The following RGS7BP variants were observed in gnomAD, a reference collection of about 807,000 sequenced individuals.
RGS7BP encodes the protein regulator of G protein signaling 7-binding protein.
Under a neutral mutation model 31.3 loss-of-function variants are expected in RGS7BP, and 9 were observed. The ratio of observed to expected loss-of-function variants is 0.29; its 90% CI spans 0.17 to 0.50. RGS7BP has a LOEUF of 0.50. Among genes scored for constraint, RGS7BP ranks in the 20% least tolerant of loss-of-function variants. The pLI is 0.98. For synonymous variants in RGS7BP, 115 were observed against 120.1 expected (o/e 0.96, Z 0.28); for missense variants, 274 against 322.0 (o/e 0.85, Z 1.14).
chr5:64,564,686 G>A (rs1042060269), intron 2 of RGS7BP, among the ~76,000 whole-genome samples: 1 of 152,068 alleles, frequency 6.6e-6, no homozygotes, highest in Non-Finnish European at 1.5e-5. Context: ...CCTAAAATGT[G>A]GTTGTTTGGT....
At chr5:64,588,686 A>G (rs1452897849) in intron 3 of RGS7BP, among the ~76,000 whole-genome samples, 3 of 152,272 alleles carry the variant, frequency 2.0e-5, no homozygotes, top group African/African-American at 4.8e-5. Context: ...TAAAATCTCA[A>G]ACTTTTCACA....
chr5:64,507,845 T>C lies in RGS7BP; in HGVS notation c.300T>C (p.Arg100=), dbSNP rs1748737611. ...KTRTKGCEMA[R]QAHQKLAAIS... is the part of the protein sequence containing the mutation. The stretch of plus-strand genomic sequence containing the variant: ...GAACCAAAGGCTGTGAAATGGCCCG[T>C]CAGGCACACCAAAAATTGGCTGCCA... Residue 100 remains arginine, a synonymous_variant, in exon 2 of 6, where the codon CGT becomes CGC. Transcript: ENST00000334025. 6.2e-7 allele frequency: 1 copy of C among 1,613,640 alleles called. No individual in the cohort carries two copies. The highest frequency in any genetic ancestry group is 8.5e-7 in the Non-Finnish European group (1 of 1,179,846).
intron 5 of RGS7BP, among the ~76,000 whole-genome samples, chr5:64,599,921 C>T (rs1169757861): frequency 1.3e-5 from 2 of 152,174 alleles, no homozygotes; most frequent in African/African-American, 2.4e-5. Flanking sequence ...ATGTGTCATA[C>T]ACCTACTACC....
intron 2 of RGS7BP, among the ~76,000 whole-genome samples, chr5:64,513,059 C>T (rs1387138853): frequency 1.3e-5 from 2 of 152,136 alleles, no homozygotes; most frequent in Non-Finnish European, 2.9e-5. Flanking sequence ...TACATTAATT[C>T]ATAGAGAATC....
At chr5:64,528,874 G>A (rs1412437430) in intron 2 of RGS7BP, among the ~76,000 whole-genome samples, 3 of 150,992 alleles carry the variant, frequency 2.0e-5, no homozygotes, top group Non-Finnish European at 4.4e-5. Context: ...AATTTCACTG[G>A]GTTGCCATGA....
intron 2 of RGS7BP, among the ~76,000 whole-genome samples, chr5:64,532,828 G>A (rs903110813): frequency 2.0e-5 from 3 of 151,972 alleles, no homozygotes; most frequent in Non-Finnish European, 4.4e-5. Context: ...GTAGCGGAGG[G>A]CCTGTCCCAC....
intron 2 of RGS7BP, among the ~76,000 whole-genome samples, chr5:64,572,818 T>TA (rs1742329518): frequency 6.6e-6 from 1 of 151,528 alleles, no homozygotes; most frequent in Non-Finnish European, 1.5e-5. Flanking sequence ...TTTTTTTTTT[T>TA]AATTTTATTA....
chr5:64,566,738 G>C (rs1742179247), intron 2 of RGS7BP, among the ~76,000 whole-genome samples: 1 of 152,028 alleles, frequency 6.6e-6, no homozygotes, highest in South Asian at 2.1e-4. Flanking sequence ...CTCAATTACA[G>C]TGGGAATGCT....
At chr5:64,534,189 G>A (rs1428693344) in intron 2 of RGS7BP, among the ~76,000 whole-genome samples, 1 of 152,088 alleles carries the variant, frequency 6.6e-6, no homozygotes, top group Non-Finnish European at 1.5e-5. Context: ...CAGGCAGAAG[G>A]AGGAGTGAAT....
intron 5 of RGS7BP, among the ~76,000 whole-genome samples, chr5:64,600,760 C>T (rs185123658): frequency 1.0e-3 from 154 of 152,242 alleles, no homozygotes; most frequent in African/African-American, 3.6e-3. Flanking sequence ...GAAATGGGAA[C>T]CCTTAGCATG....
chr5:64,551,892 T>A (rs1741804188), intron 2 of RGS7BP, among the ~76,000 whole-genome samples: 1 of 152,204 alleles, frequency 6.6e-6, no homozygotes, highest in Non-Finnish European at 1.5e-5. Flanking sequence ...TCATATATAG[T>A]TTCTTCTAAA....
At chr5:64,524,445 G>C (rs1749182267) in intron 2 of RGS7BP, among the ~76,000 whole-genome samples, 1 of 152,104 alleles carries the variant, frequency 6.6e-6, no homozygotes, top group Admixed American at 6.5e-5. Flanking sequence ...GAAGAAATGT[G>C]TGCATTTGAA....
At chr5:64,584,916 T>C (rs1034581949) in intron 3 of RGS7BP, among the ~76,000 whole-genome samples, 12 of 152,230 alleles carry the variant, frequency 7.9e-5, no homozygotes, top group African/African-American at 2.9e-4. Flanking sequence ...TAATATAATT[T>C]ATTTCTATTT....
intron 2 of RGS7BP, among the ~76,000 whole-genome samples, chr5:64,516,006 A>G (rs745745823): frequency 6.6e-6 from 1 of 152,002 alleles, no homozygotes; most frequent in Non-Finnish European, 1.5e-5. Context: ...GTCTTGCTAT[A>G]TTGCCAAAGC....
intron 3 of RGS7BP, among the ~76,000 whole-genome samples, chr5:64,578,297 G>A (rs541044514): frequency 6.6e-6 from 1 of 152,256 alleles, no homozygotes; most frequent in Non-Finnish European, 1.5e-5. Context: ...TGTACAACTC[G>A]TAAAAAGAAA....
At chr5:64,605,804 A>G (rs1412223430) in intron 5 of RGS7BP, among the ~76,000 whole-genome samples, 4 of 151,642 alleles carry the variant, frequency 2.6e-5, no homozygotes, top group African/African-American at 7.3e-5. Context: ...CAATCCTAAC[A>G]ATTTATTCAC....
At chr5:64,536,547 C>T (rs1489868712) in intron 2 of RGS7BP, among the ~76,000 whole-genome samples, 1 of 152,174 alleles carries the variant, frequency 6.6e-6, no homozygotes, top group Non-Finnish European at 1.5e-5. Context: ...GTGCAAATCA[C>T]AGACATTACT....
intron 2 of RGS7BP, among the ~76,000 whole-genome samples, chr5:64,509,185 G>C (rs1217687368): frequency 6.6e-6 from 1 of 151,938 alleles, no homozygotes; most frequent in Non-Finnish European, 1.5e-5. Context: ...ATAAATCTCA[G>C]ACAAGGAGAG....
intron 2 of RGS7BP, among the ~76,000 whole-genome samples, chr5:64,515,783 T>G (rs1162449168): frequency 1.3e-5 from 2 of 151,678 alleles, no homozygotes; most frequent in Admixed American, 1.3e-4. Flanking sequence ...TGACTCTGGT[T>G]AGGATAAAGT....
Sources: gnomAD v4.1 joint callset for allele counts (sites outside exome capture counted in the v4.1 genomes callset) on GRCh38, gnomAD v4.1.1 for gene constraint, MANE v1.5 for transcripts, NCBI Gene and HGNC (gene_info 2026-07-23, HGNC 2026-07-21) for gene names.